Variants in NSD3 observed in about 807,000 individuals in gnomAD.
The protein encoded by NSD3 is nuclear receptor binding SET domain protein 3.
NSD3 carries 24 observed loss-of-function variants against 160.8 expected under a neutral mutation model. That is an observed-to-expected ratio of 0.15 (90% CI 0.11 to 0.21). The LOEUF (loss-of-function observed/expected upper bound fraction) is 0.21. Among genes scored for constraint, NSD3 ranks in the 10% least tolerant of loss-of-function variants. The pLI is 1.00. For synonymous variants in NSD3, 520 were observed against 600.0 expected (o/e 0.87, Z 1.95); for missense variants, 1,157 against 1,735.9 (o/e 0.67, Z 5.93).
chr8:38,306,941 C>T (rs907648856), intron 12 of NSD3, among the ~76,000 whole-genome samples: 7 of 151,496 alleles, frequency 4.6e-5, no homozygotes, highest in South Asian at 2.1e-4. Context: ...GGTGAAACCC[C>T]GTCTCTACTA....
At chr8:38,303,205 C>T in intron 14 of NSD3, 4 of 982,790 alleles carry the variant, frequency 4.1e-6, no homozygotes, top group Non-Finnish European at 4.8e-6. Context: ...GACTCTAAAG[C>T]TAAACATTCA....
chr8:38,289,271 G>A, intron 18 of NSD3, 122 bp downstream of exon 18: 1 of 895,002 alleles, frequency 1.1e-6, no homozygotes, highest in South Asian at 1.7e-5. Context: ...GTCAAAGAGG[G>A]TCTTTAACTA....
intron 14 of NSD3, chr8:38,303,346 C>A: frequency 2.0e-6 from 2 of 985,404 alleles, no homozygotes; most frequent in Admixed American, 6.1e-5. Context: ...ACATTTCAGA[C>A]CTACTCCTCC....
chr8:38,329,571 G>A lies in NSD3; in HGVS notation c.1388C>T (p.Pro463Leu). 1 of 1,614,196 alleles carries A rather than the reference G, an allele frequency of 6.2e-7. No homozygotes were observed. The highest frequency in any genetic ancestry group is 8.5e-7 in the Non-Finnish European group (1 of 1,180,040). The change falls in exon 6 of 24, where the codon CCA becomes CTA. Residue 463 changes from proline to leucine, a missense_variant. Pro to Leu is a moderately conservative substitution (Grantham distance 98). Transcript: ENST00000317025. The surrounding 1 kb of genome is among the most constrained non-coding windows in gnomAD (Gnocchi z 4.8). Reference protein sequence around the residue: ...RRHTSAEEEEPPPVKIAWKTA... With the variant: ...RRHTSAEEEELPPVKIAWKTA... The stretch of plus-strand genomic sequence containing the variant: ...TTTCCAGGCTATTTTAACAGGCGGT[G>A]GCTCTTCCTCTTCCGCACTTGTGTG...
chr8:38,341,777 C>G lies in NSD3; in HGVS notation c.676-3170G>C, dbSNP rs987077298. Among the ~76,000 whole-genome samples the G allele has an allele frequency of 4.6e-5, 7 of 151,750 alleles. No individual in the cohort carries two copies. The South Asian group carries it at 1.5e-3, about 32-fold the overall frequency. On this transcript the variant is annotated intron_variant, in intron 2 of 23. Transcript: ENST00000317025. ...GAACAGCTTGGGCAACATGGCGAGA[C>G]CCCATCTCTATAAAAAAAGAGCCAG...
rs564733990 is a variant in NSD3 at position 38,273,083 on chromosome 8, G to A, written c.*2558C>T. 6.6e-6 allele frequency: 1 copy of A among 152,306 alleles called. No homozygotes were observed. Among genetic ancestry groups the A allele is most frequent in the East Asian group, 1.9e-4 (1 of 5,168 alleles). The allele number at this position is 152,306 out of a possible 1,614,324, so 9.4% of individuals were successfully genotyped here. A position where few individuals can be genotyped will look rare whatever the true frequency, so the allele number is the denominator to read the frequency against. On this transcript the variant is annotated 3_prime_UTR_variant, in exon 24 of 24. Coordinates refer to ENST00000317025, the MANE Select transcript of NSD3 (RefSeq NM_023034.2). ...CTCGCTCTGTCACCCAGGCTGGAGT[G>A]CAGTGATGTGATCTTGGCTCACTGC...
At chr8:38,334,311 T>C (rs1810151697) in intron 4 of NSD3, among the ~76,000 whole-genome samples, 1 of 152,206 alleles carries the variant, frequency 6.6e-6, no homozygotes, top group South Asian at 2.1e-4. Context: ...AGAAAGTAGT[T>C]ACTGGCTGCT....
chr8:38,366,370 G>C (rs1005314980), intron 1 of NSD3, among the ~76,000 whole-genome samples: 2 of 149,372 alleles, frequency 1.3e-5, no homozygotes, highest in African/African-American at 4.9e-5. Flanking sequence ...CACAAATATA[G>C]TAATCACAAG....
intron 12 of NSD3, 57 bp downstream of exon 12, chr8:38,314,590 A>C: frequency 6.2e-7 from 1 of 1,608,462 alleles, no homozygotes; most frequent in Non-Finnish European, 8.5e-7. Context: ...TTGTCAGTGC[A>C]CATTCCTGGC....
In NSD3 at chr8:38,370,251, T is replaced by G. The variant is rs1811210761; in HGVS notation, c.-45+11548A>C. On this transcript the variant is annotated intron_variant, in intron 1 of 23. Transcript: ENST00000317025. ...GATAAGTTTGCTACAGTTAACTGTA[T>G]AGGTAAAACATACTTTCCACAGATG... Among the ~76,000 whole-genome samples the G allele has an allele frequency of 4.6e-5, 7 of 152,322 alleles. No individual in the cohort carries two copies. In the South Asian group the frequency reaches 1.4e-3, roughly 32 times the overall value.
Position 38,329,243 on chromosome 8 carries a change from G to T in NSD3, c.1581+135C>A. ...TTTGCCTGTCTTTTTTGCCCACAGA[G>T]TACAATGACTGTATGTTTCAAATTC... On this transcript the variant is annotated intron_variant, in intron 6 of 23. Transcript: ENST00000317025. The surrounding 1 kb of genome is among the most constrained non-coding windows in gnomAD (Gnocchi z 4.8). 1 of 1,104,878 alleles carries T rather than the reference G, an allele frequency of 9.1e-7. No individual in the cohort carries two copies. The highest frequency in any genetic ancestry group is 1.3e-6 in the Non-Finnish European group (1 of 784,986). 68.4% of individuals were successfully genotyped at this position (1,104,878 alleles called of 1,614,324 possible).
At chr8:38,356,759 CT>C (rs1226827949) in intron 1 of NSD3, among the ~76,000 whole-genome samples, 3 of 151,970 alleles carry the variant, frequency 2.0e-5, no homozygotes, top group East Asian at 1.9e-4. Flanking sequence ...TGTATATATT[CT>C]TTTTTTCTAT....
At chr8:38,332,272 TA>T (rs2150376493) in intron 4 of NSD3, among the ~76,000 whole-genome samples, 1 of 152,202 alleles carries the variant, frequency 6.6e-6, no homozygotes, top group Admixed American at 6.5e-5. Context: ...AATAAATCAA[TA>T]AATATTTTGA....
chr8:38,305,104 C>CATGT, intron 13 of NSD3, 144 bp downstream of exon 13: 1 of 782,522 alleles, frequency 1.3e-6, no homozygotes, highest in Non-Finnish European at 2.0e-6. Context: ...TTAACATGTA[C>CATGT]TGTGTATGTA....
chr8:38,355,275 G>A (rs898377441), intron 1 of NSD3, among the ~76,000 whole-genome samples: 3 of 152,080 alleles, frequency 2.0e-5, no homozygotes, highest in Admixed American at 2.0e-4. Flanking sequence ...ACCTTGTACA[G>A]GGCTGCCGTA....
intron 1 of NSD3, among the ~76,000 whole-genome samples, chr8:38,375,059 C>G (rs1811356213): frequency 6.6e-6 from 1 of 152,026 alleles, no homozygotes; most frequent in African/African-American, 2.4e-5. Context: ...TTTCTAACTT[C>G]ACATTTTTAA....
chr8:38,356,768 T>G (rs1247059380), intron 1 of NSD3, among the ~76,000 whole-genome samples: 4 of 152,162 alleles, frequency 2.6e-5, no homozygotes, highest in Non-Finnish European at 2.9e-5. Context: ...TCTTTTTTTC[T>G]ATGTTTAAAA....
intron 1 of NSD3, among the ~76,000 whole-genome samples, chr8:38,350,305 G>A (rs930378165): frequency 6.6e-6 from 1 of 152,184 alleles, no homozygotes; most frequent in African/African-American, 2.4e-5. Flanking sequence ...CCCACCAACA[G>A]TGTAAAAGTG....
At chr8:38,278,270 G>C in intron 22 of NSD3, 36 bp downstream of exon 22, 2 of 1,590,374 alleles carry the variant, frequency 1.3e-6, no homozygotes, top group Non-Finnish European at 1.7e-6. Flanking sequence ...ACTCCTTATC[G>C]CCTGTTGACT....
Sources: allele counts gnomAD v4.1 joint callset (sites outside exome capture counted in the v4.1 genomes callset), GRCh38; gene constraint gnomAD v4.1.1; non-coding constraint Gnocchi (gnomAD v3.1); transcripts MANE v1.5; gene names NCBI Gene and HGNC (gene_info 2026-07-23, HGNC 2026-07-21).